Variants in DOCK2 observed in about 807,000 individuals in gnomAD.
DOCK2 encodes dedicator of cytokinesis 2.
Under a neutral mutation model 248.9 loss-of-function variants are expected in DOCK2, and 87 were observed. That is an observed-to-expected ratio of 0.35 (90% CI 0.29 to 0.42). DOCK2 has a LOEUF of 0.42. Among genes scored for constraint, DOCK2 ranks in the 10% least tolerant of loss-of-function variants. The pLI, the probability that DOCK2 is intolerant of heterozygous loss-of-function variation, is 1.00. For synonymous variants in DOCK2, 805 were observed against 821.6 expected (o/e 0.98, Z 0.35); for missense variants, 1,747 against 2,300.2 (o/e 0.76, Z 4.92).
rs145466715 is a variant in DOCK2 at position 169,724,871 on chromosome 5, A to T, written c.2267+6080A>T. Reference sequence around the variant, plus strand: ...CTATGTAAATATTGCATAGTAGTTTACCCTCTAGGTCATGAATATGTTAGG... The same window carrying T: ...CTATGTAAATATTGCATAGTAGTTTTCCCTCTAGGTCATGAATATGTTAGG... On this transcript the variant is annotated intron_variant, in intron 22 of 51. Transcript: ENST00000520908. Among the ~76,000 whole-genome samples, 3 of 151,212 alleles carry T rather than the reference A, an allele frequency of 2.0e-5. No individual in the cohort carries two copies. In the East Asian group the frequency reaches 5.8e-4, roughly 29 times the overall value.
At position 169,637,299 on chromosome 5, in the gene DOCK2, C is replaced by T; in HGVS notation, c.-28C>T. 7.0e-7 allele frequency: 1 copy of T among 1,429,266 alleles called. No individual in the cohort carries two copies. The highest frequency in any genetic ancestry group is 9.1e-7 in the Non-Finnish European group (1 of 1,095,156). The allele number at this position is 1,429,266 out of a possible 1,614,324, so 88.5% of individuals were successfully genotyped here. Reference sequence around the variant, plus strand: ...CAGCCACCCCCTGACGGCTTCCCCACGGGAGGACGCGAGGCCCCGGCCCAG... The same window carrying T: ...CAGCCACCCCCTGACGGCTTCCCCATGGGAGGACGCGAGGCCCCGGCCCAG... On this transcript the variant is annotated 5_prime_UTR_variant, in exon 1 of 52. In the 5' UTR this introduces an upstream ATG that the reference lacks. Coordinates refer to ENST00000520908, the MANE Select transcript of DOCK2 (RefSeq NM_004946.3).
At chr5:169,891,958 T>G (rs1423215947) in intron 27 of DOCK2, among the ~76,000 whole-genome samples, 1 of 143,972 alleles carries the variant, frequency 6.9e-6, no homozygotes, top group South Asian at 2.1e-4. Flanking sequence ...ATTGTGCCAT[T>G]GCACTCCAGC....
Position 170,069,152 on chromosome 5 carries a change from G to A in DOCK2, c.4660G>A (p.Glu1554Lys), listed in dbSNP as rs1439505263. 1 of 1,613,962 alleles carries A rather than the reference G, an allele frequency of 6.2e-7. No homozygotes were observed. Among genetic ancestry groups the A allele is most frequent in the Admixed American group, 1.7e-5 (1 of 60,008 alleles). Residue 1554 changes from glutamate (E) to lysine (K), a missense_variant, in exon 46 of 52, where the codon GAG becomes AAG. Physicochemically the swap from Glu to Lys is moderately conservative, Grantham distance 56. This residue lies in a region of DOCK2 where 513 missense variants were observed against 586.1 expected (regional missense o/e 0.88). Coordinates refer to ENST00000520908, the MANE Select transcript of DOCK2 (RefSeq NM_004946.3). ...TCCTCCCCAGGCCTTCTTCACTGAAGAGTATGTCAGGGACCACCCTGAGGA... is the reference window on the plus strand; with the variant it reads ...TCCTCCCCAGGCCTTCTTCACTGAAAAGTATGTCAGGGACCACCCTGAGGA... ...AKYEKAFFTE[E>K]YVRDHPEDQD...
intron 13 of DOCK2, 72 bp from the exon 14 acceptor site, chr5:169,702,231 C>A: frequency 6.4e-7 from 1 of 1,550,956 alleles, no homozygotes; most frequent in Non-Finnish European, 8.8e-7. Flanking sequence ...CACCCTCCAT[C>A]CCCTCTAGTT....
chr5:169,957,766 C>T (rs560815909), intron 27 of DOCK2, among the ~76,000 whole-genome samples: 18 of 152,292 alleles, frequency 1.2e-4, no homozygotes, highest in African/African-American at 4.3e-4. Context: ...CTGTTCATGA[C>T]CCTGTTAGCC....
intron 5 of DOCK2, among the ~76,000 whole-genome samples, chr5:169,672,856 A>T (rs148742795): frequency 1.3e-5 from 2 of 152,184 alleles, no homozygotes; most frequent in East Asian, 3.9e-4. Flanking sequence ...AGTGCTATAC[A>T]TGTGATTACG....
At chr5:169,883,485 G>A (rs1200362059) in intron 27 of DOCK2, 1 of 1,551,690 alleles carries the variant, frequency 6.4e-7, no homozygotes, top group East Asian at 2.4e-5. Context: ...CCTGTTCAGA[G>A]AGGTTACCGT....
intron 7 of DOCK2, among the ~76,000 whole-genome samples, chr5:169,683,197 A>T (rs1003124497): frequency 6.6e-6 from 1 of 152,170 alleles, no homozygotes; most frequent in Non-Finnish European, 1.5e-5. Flanking sequence ...TTTTTAAGGT[A>T]TTGCCATGCT....
At chr5:169,720,947 C>A (rs1163480159) in intron 22 of DOCK2, among the ~76,000 whole-genome samples, 1 of 152,194 alleles carries the variant, frequency 6.6e-6, no homozygotes, top group Non-Finnish European at 1.5e-5. Context: ...TGGTCTTGAT[C>A]TCCTGATCTC....
chr5:169,979,116 G>A (rs553454799), intron 27 of DOCK2, among the ~76,000 whole-genome samples: 2 of 152,170 alleles, frequency 1.3e-5, no homozygotes, highest in Non-Finnish European at 2.9e-5. Flanking sequence ...AAAAGAGGGG[G>A]ATTCTTGCTA....
intron 22 of DOCK2, among the ~76,000 whole-genome samples, chr5:169,721,799 G>T (rs1762221158): frequency 6.6e-6 from 1 of 152,210 alleles, no homozygotes; most frequent in African/African-American, 2.4e-5. Flanking sequence ...TGGAGAAGGG[G>T]TGGAATTTTT....
intron 27 of DOCK2, among the ~76,000 whole-genome samples, chr5:169,957,431 T>A (rs1197219945): frequency 6.6e-6 from 1 of 152,208 alleles, no homozygotes; most frequent in Non-Finnish European, 1.5e-5. Flanking sequence ...TTAGTACTAC[T>A]TTTTCTGTGT....
intron 25 of DOCK2, among the ~76,000 whole-genome samples, chr5:169,785,301 T>C (rs1765926364): frequency 6.6e-6 from 1 of 152,224 alleles, no homozygotes; most frequent in Non-Finnish European, 1.5e-5. Flanking sequence ...TAAGATATTT[T>C]ATACCTTATT....
At position 169,912,621 on chromosome 5, in the gene DOCK2, A is replaced by G. The variant is rs867148274; in HGVS notation, c.2800-70447A>G. ...TGTGCCACTGTGTGTGGTGGAGTGT[A>G]TGTGTGTGTGTGTGTGTGTGAGATG... On this transcript the variant is annotated intron_variant, in intron 27 of 51. Transcript: ENST00000520908. Among the ~76,000 whole-genome samples the G allele has an allele frequency of 7.7e-3, 1,161 of 150,530 alleles. 6 individuals are homozygous for G. The highest frequency in any genetic ancestry group is 0.014 in the Middle Eastern group (4 of 292).
At chr5:169,772,456 A>G (rs1309005513) in intron 25 of DOCK2, among the ~76,000 whole-genome samples, 2 of 152,214 alleles carry the variant, frequency 1.3e-5, no homozygotes, top group African/African-American at 4.8e-5. Context: ...TAAAAACAAC[A>G]TCAGCAGTTG....
intron 41 of DOCK2, 131 bp downstream of exon 41, chr5:170,050,528 C>T (rs1451489774): frequency 9.4e-7 from 1 of 1,066,644 alleles, no homozygotes; most frequent in African/African-American, 1.6e-5. Context: ...GTTGCAGGAA[C>T]ATGCAACATG....
chr5:169,670,748 T>A (rs1759007176), intron 4 of DOCK2, 151 bp downstream of exon 4: 7 of 906,868 alleles, frequency 7.7e-6, no homozygotes, highest in South Asian at 6.7e-5. Context: ...TTTCCGTTAC[T>A]CAATGGGAGA....
chr5:169,985,379 G>A (rs1486439287), intron 28 of DOCK2, among the ~76,000 whole-genome samples: 1 of 151,110 alleles, frequency 6.6e-6, no homozygotes, highest in East Asian at 1.9e-4. Context: ...GTGTGTGTGT[G>A]TGTGTGTGTG....
At chr5:169,732,066 C>T (rs1762803743) in intron 22 of DOCK2, among the ~76,000 whole-genome samples, 1 of 152,106 alleles carries the variant, frequency 6.6e-6, no homozygotes, top group African/African-American at 2.4e-5. Context: ...TTGCAGTGAG[C>T]CGAGATTGCA....
Sources: gnomAD v4.1 joint callset for allele counts (sites outside exome capture counted in the v4.1 genomes callset) on GRCh38, gnomAD v4.1.1 for gene constraint, gnomAD v4.1.1 regional missense constraint, MANE v1.5 for transcripts, NCBI Gene and HGNC (gene_info 2026-07-23, HGNC 2026-07-21) for gene names.